The following POU6F2 variants were observed in gnomAD, a reference collection of about 807,000 sequenced individuals.
POU6F2 encodes the protein POU class 6 homeobox 2.
A neutral mutation model predicts 71.3 loss-of-function variants in POU6F2; 31 were observed. The observed-to-expected ratio is 0.43, with a 90% confidence interval of 0.33 to 0.59. POU6F2 has a LOEUF of 0.59. Among genes scored for constraint, POU6F2 ranks in the 20% least tolerant of loss-of-function variants. The probability of loss-of-function intolerance (pLI) is 0.04; values close to 1 mark genes in which losing one functional copy is unlikely to be tolerated. For missense variants in POU6F2, 783 were observed against 856.8 expected, an observed-to-expected ratio of 0.91 and a Z score of 1.07; for synonymous variants, 347 against 355.7, an observed-to-expected ratio of 0.98 and a Z score of 0.27.
Position 39,425,482 on chromosome 7 carries a change from G to C in POU6F2, c.1114-7595G>C, listed in dbSNP as rs776134429. The stretch of plus-strand genomic sequence containing the variant: ...ATCATAACTATTGTCCCTGTTGGTA[G>C]GAATTGACTGTTCCTGTTATTAAGT... On this transcript the variant is annotated intron_variant, in intron 6 of 9. Transcript: ENST00000518318. Among the ~76,000 whole-genome samples the C allele has an allele frequency of 5.3e-5, 8 of 152,198 alleles. No homozygotes were observed. The East Asian group carries it at 1.2e-3, about 22-fold the overall frequency.
intron 4 of POU6F2, among the ~76,000 whole-genome samples, chr7:39,218,842 A>G (rs1002939655): frequency 6.6e-6 from 1 of 152,196 alleles, no homozygotes; most frequent in Non-Finnish European, 1.5e-5. Flanking sequence ...GCTGTAGAAT[A>G]CTGAGATGGA....
chr7:39,166,855 A>G (rs1227008684), intron 2 of POU6F2, among the ~76,000 whole-genome samples: 1 of 152,196 alleles, frequency 6.6e-6, no homozygotes, highest in Non-Finnish European at 1.5e-5. Flanking sequence ...CATGACCAGT[A>G]GTGTCCCAAA....
chr7:39,223,320 G>A (rs1225125651), intron 4 of POU6F2, among the ~76,000 whole-genome samples: 1 of 152,094 alleles, frequency 6.6e-6, no homozygotes, highest in African/African-American at 2.4e-5. Context: ...CATCATTACG[G>A]TATTTATATA....
chr7:39,027,428 C>G (rs111888288), intron 1 of POU6F2, among the ~76,000 whole-genome samples: 162 of 152,246 alleles, frequency 1.1e-3, no homozygotes, highest in African/African-American at 3.8e-3. Flanking sequence ...CTATTGCCCA[C>G]AAGGGCTTTT....
chr7:39,210,923 A>G (rs1794130015), intron 4 of POU6F2, among the ~76,000 whole-genome samples: 1 of 152,192 alleles, frequency 6.6e-6, no homozygotes. Flanking sequence ...TGGTTTATAA[A>G]CAACAGATTG....
At position 39,428,179 on chromosome 7, in the gene POU6F2, G is replaced by A. The variant is rs73127543; in HGVS notation, c.1114-4898G>A. On this transcript the variant is annotated intron_variant, in intron 6 of 9. Coordinates refer to ENST00000518318, the MANE Select transcript of POU6F2 (RefSeq NM_001370959.1). ...AGTCACTCAAGTTCTTATGGAAATG[G>A]GGATCTTTCAAATATGTGTGCTAGC... Among the ~76,000 whole-genome samples the A allele has an allele frequency of 1.0e-3, 154 of 152,280 alleles. 1 individual carries two copies. The highest frequency in any genetic ancestry group is 6.8e-3 in the Middle Eastern group (2 of 294).
chr7:39,401,323 G>A (rs1307482140), intron 5 of POU6F2, among the ~76,000 whole-genome samples: 2 of 152,092 alleles, frequency 1.3e-5, no homozygotes, highest in African/African-American at 4.8e-5. Context: ...GGGAAGGGTG[G>A]GCAGACAGTG....
chr7:39,033,324 G>A (rs1012532022), intron 1 of POU6F2, among the ~76,000 whole-genome samples: 14 of 152,118 alleles, frequency 9.2e-5, no homozygotes, highest in East Asian at 1.9e-4. Flanking sequence ...GGTTACAAGC[G>A]ACTAATAATT....
At chr7:39,072,249 G>A (rs1204328179) in intron 1 of POU6F2, among the ~76,000 whole-genome samples, 1 of 152,170 alleles carries the variant, frequency 6.6e-6, no homozygotes, top group Non-Finnish European at 1.5e-5. Context: ...TGTGTAATGA[G>A]GCTAAATTCC....
At chr7:39,127,414 G>A (rs1019980384) in intron 2 of POU6F2, among the ~76,000 whole-genome samples, 5 of 152,184 alleles carry the variant, frequency 3.3e-5, no homozygotes, top group Admixed American at 1.3e-4. Flanking sequence ...AATATTCAAA[G>A]TGTATCATGT....
At chr7:39,274,408 A>G (rs1483694384) in intron 4 of POU6F2, among the ~76,000 whole-genome samples, 3 of 148,608 alleles carry the variant, frequency 2.0e-5, no homozygotes, top group African/African-American at 7.4e-5. Flanking sequence ...GCAATAATCA[A>G]TAGCTTACCA....
intron 4 of POU6F2, among the ~76,000 whole-genome samples, chr7:39,287,179 A>G (rs535243292): frequency 1.5e-3 from 231 of 152,344 alleles, no homozygotes; most frequent in African/African-American, 5.4e-3. Flanking sequence ...AATGTTTGCA[A>G]ATAGTTACCT....
intron 1 of POU6F2, among the ~76,000 whole-genome samples, chr7:39,035,422 GAGA>G (rs1790036098): frequency 6.6e-6 from 1 of 152,110 alleles, no homozygotes; most frequent in Admixed American, 6.6e-5. Flanking sequence ...CTGTTTGGAG[GAGA>G]AGGCGAGTGA....
At chr7:39,113,040 A>T (rs1249675751) in intron 2 of POU6F2, among the ~76,000 whole-genome samples, 3 of 152,304 alleles carry the variant, frequency 2.0e-5, no homozygotes, top group Admixed American at 2.0e-4. Flanking sequence ...GAGTCAGCTT[A>T]GAATATAAAT....
At chr7:39,200,801 G>A (rs1231660766) in intron 2 of POU6F2, among the ~76,000 whole-genome samples, 1 of 151,700 alleles carries the variant, frequency 6.6e-6, no homozygotes, top group African/African-American at 2.4e-5. Flanking sequence ...CTTGAGGCCA[G>A]GAGTTCAAGA....
intron 1 of POU6F2, among the ~76,000 whole-genome samples, chr7:39,080,699 G>A (rs1241264656): frequency 6.6e-6 from 1 of 152,134 alleles, no homozygotes; most frequent in East Asian, 1.9e-4. Flanking sequence ...CTGATGGACT[G>A]TTTCATCATT....
chr7:39,328,727 T>C (rs1289551217), intron 4 of POU6F2, among the ~76,000 whole-genome samples: 1 of 152,208 alleles, frequency 6.6e-6, no homozygotes, highest in African/African-American at 2.4e-5. Context: ...CCTTATCTTG[T>C]CAGAAGGTTG....
chr7:39,215,990 T>C (rs750554786), intron 4 of POU6F2, among the ~76,000 whole-genome samples: 9 of 152,214 alleles, frequency 5.9e-5, no homozygotes, highest in African/African-American at 1.2e-4. Context: ...GATATGTTTT[T>C]TTCGTTACAA....
intron 8 of POU6F2, among the ~76,000 whole-genome samples, chr7:39,459,438 G>A (rs1009026664): frequency 2.0e-5 from 3 of 148,522 alleles, no homozygotes; most frequent in Non-Finnish European, 4.5e-5. Flanking sequence ...GCGTGCAAAT[G>A]TTCTGGTTTT....
Sources: gnomAD v4.1 joint callset for allele counts (sites outside exome capture counted in the v4.1 genomes callset) on GRCh38, gnomAD v4.1.1 for gene constraint, MANE v1.5 for transcripts, NCBI Gene and HGNC (gene_info 2026-07-23, HGNC 2026-07-21) for gene names.